The following SEZ6L2 variants were observed in gnomAD, a reference collection of about 807,000 sequenced individuals.
SEZ6L2 encodes seizure related 6 homolog like 2, also known as seizure 6-like protein 2.
In SEZ6L2, 44 loss-of-function variants were observed where a neutral mutation model predicts 97.0. The ratio of observed to expected loss-of-function variants is 0.45; its 90% CI spans 0.36 to 0.58. SEZ6L2 has a LOEUF of 0.58. Ranked by LOEUF, SEZ6L2 falls within the 20% of genes least tolerant of loss-of-function variation. The pLI, the probability that SEZ6L2 is intolerant of heterozygous loss-of-function variation, is 0.00. For missense variants in SEZ6L2, 1,086 were observed against 1,233.3 expected, an observed-to-expected ratio of 0.88 and a Z score of 1.79; for synonymous variants, 543 against 546.1, an observed-to-expected ratio of 0.99 and a Z score of 0.08.
chr16:29,895,810 C>T lies in SEZ6L2; in HGVS notation c.562G>A (p.Asp188Asn). Residue 188 changes from aspartate to asparagine, a missense_variant, in exon 4 of 18, where the codon GAT becomes AAT. Physicochemically the swap from Asp to Asn is conservative, Grantham distance 23 (BLOSUM62 1). This residue lies in a region of SEZ6L2 where 776 missense variants were observed against 794.7 expected (regional missense o/e 0.98). Coordinates refer to ENST00000617533, the MANE Select transcript of SEZ6L2 (RefSeq NM_001243332.2). ...SEGEGYVESP[D>N]LGSPVSRTLG... ...GTGCGGCTGACGGGGCTCCCCAGAT[C>T]TGGAGACTCCACATACCCTTCGCCC... 1 of 1,614,102 alleles carries T rather than the reference C, an allele frequency of 6.2e-7. No individual in the cohort carries two copies. The highest frequency in any genetic ancestry group is 8.5e-7 in the Non-Finnish European group (1 of 1,179,960).
At chr16:29,897,542 A>C (rs2068431755) in intron 2 of SEZ6L2, among the ~76,000 whole-genome samples, 1 of 151,280 alleles carries the variant, frequency 6.6e-6, no homozygotes, top group South Asian at 2.1e-4. Context: ...TTTGTGTTTC[A>C]TTCTCTCTGT....
intron 8 of SEZ6L2, among the ~76,000 whole-genome samples, chr16:29,882,305 A>G (rs900008216): frequency 6.6e-6 from 1 of 151,854 alleles, no homozygotes; most frequent in African/African-American, 2.4e-5. Flanking sequence ...GGCCAGATGC[A>G]GTGGCTCACA....
At position 29,873,432 on chromosome 16, in the gene SEZ6L2, C is replaced by T. The variant is rs1411078494; in HGVS notation, c.2297-1G>A. On this transcript the variant is annotated splice_acceptor_variant, in intron 13 of 17. Transcript: ENST00000617533. LOFTEE classifies it high-confidence loss of function. This position sits in a 1 kb window ranked among gnomAD's most constrained non-coding sequence, Gnocchi z 4.3. ...GGGTTCAGGCACGGCTCGTACTTCA[C>T]TGCGGGGAGCATGCCAGTCACGTGC... 1 of 1,614,216 alleles carries T rather than the reference C, an allele frequency of 6.2e-7. No homozygotes were observed. Among genetic ancestry groups the T allele is most frequent in the Non-Finnish European group, 8.5e-7 (1 of 1,180,026 alleles).
chr16:29,872,319 G>T, intron 16 of SEZ6L2, 36 bp from the exon 17 acceptor site: 2 of 1,602,618 alleles, frequency 1.2e-6, no homozygotes, highest in African/African-American at 1.3e-5. Flanking sequence ...CTTATCAACA[G>T]GTAAGCCCCT....
chr16:29,872,186 C>T lies in SEZ6L2; in HGVS notation c.2742+1G>A, dbSNP rs770774282. The T allele has an allele frequency of 6.3e-7, 1 of 1,599,068 alleles. No homozygotes were observed. Among genetic ancestry groups the T allele is most frequent in the South Asian group, 1.1e-5 (1 of 88,464 alleles). ...TCTTCAGGGGCAGGCAAGGTGCTTA[C>T]CCCAGCTTCATACAGCGGGTTGCTG... On this transcript the variant is annotated splice_donor_variant, in intron 17 of 17. Transcript: ENST00000617533. LOFTEE classifies it high-confidence loss of function.
chr16:29,884,115 G>A (rs183553906), intron 8 of SEZ6L2, among the ~76,000 whole-genome samples: 1 of 152,142 alleles, frequency 6.6e-6, no homozygotes. Flanking sequence ...AGGTTAAGTT[G>A]GAGCCCACCA....
Position 29,897,134 on chromosome 16 carries a change from A to G in SEZ6L2, c.212-13T>C, listed in dbSNP as rs1408266790. On this transcript the variant is annotated splice_polypyrimidine_tract_variant and intron_variant, in intron 2 of 17. Coordinates refer to ENST00000617533, the MANE Select transcript of SEZ6L2 (RefSeq NM_001243332.2). ...TCCCGATCAGATCCTGGGACAGTGC[A>G]GGGAATATCAGAGCACAGGAGGAGC... 4 of 1,531,854 alleles carry G rather than the reference A, an allele frequency of 2.6e-6. No individual in the cohort carries two copies. Among genetic ancestry groups the G allele is most frequent in the Non-Finnish European group, 3.5e-6 (4 of 1,141,276 alleles). The allele number at this position is 1,531,854 out of a possible 1,614,324, so 94.9% of individuals were successfully genotyped here. A position where few individuals can be genotyped will look rare whatever the true frequency, so the allele number is the denominator to read the frequency against.
rs1218719476 is a variant in SEZ6L2 at position 29,873,335 on chromosome 16, A to G, written c.2393T>C (p.Phe798Ser). 34 of 1,614,226 alleles carry G rather than the reference A, an allele frequency of 2.1e-5. No individual in the cohort carries two copies. The highest frequency in any genetic ancestry group is 2.9e-5 in the Non-Finnish European group (34 of 1,180,030). The change falls in exon 14 of 18, where the codon TTC becomes TCC. Residue 798 changes from phenylalanine to serine, a missense_variant. Transcript: ENST00000617533. The surrounding 1 kb of genome is among the most constrained non-coding windows in gnomAD (Gnocchi z 4.3). ...GATAAGCTCAAAGCCCTCATAGCAG[A>G]AGAAGCGCAGAGACTCGCCCGCCTG... is the stretch of plus-strand genomic sequence containing the variant. ...HYQAGESLRF[F>S]CYEGFELIGE...
intron 5 of SEZ6L2, among the ~76,000 whole-genome samples, chr16:29,893,660 A>T (rs2068320955): frequency 6.6e-6 from 1 of 152,022 alleles, no homozygotes; most frequent in Non-Finnish European, 1.5e-5. Context: ...AAAAAAAAAA[A>T]AAAAAATTCA....
At chr16:29,881,201 G>A (rs1181199368) in intron 8 of SEZ6L2, among the ~76,000 whole-genome samples, 1 of 152,106 alleles carries the variant, frequency 6.6e-6, no homozygotes, top group Non-Finnish European at 1.5e-5. Context: ...AAGCCACTGA[G>A]CTAGCCAAAT....
At chr16:29,880,270 C>T (rs544519993) in intron 8 of SEZ6L2, among the ~76,000 whole-genome samples, 12 of 151,838 alleles carry the variant, frequency 7.9e-5, no homozygotes, top group Admixed American at 3.9e-4. Flanking sequence ...TCAAGCAATT[C>T]TCATGCCTCA....
chr16:29,898,996 G>A lies in SEZ6L2; in HGVS notation c.24C>T (p.His8=), dbSNP rs1596998478. Residue 8 remains histidine, a synonymous_variant, in exon 1 of 18, where the codon CAC becomes CAT. Transcript: ENST00000617533. Reference sequence around the variant, plus strand: ...GGAACAGCAGCTGGGGAGGCGGCGGGTGCTGGGCCCTGGGAGTCCCCATGG... The same window carrying A: ...GGAACAGCAGCTGGGGAGGCGGCGGATGCTGGGCCCTGGGAGTCCCCATGG... The part of the protein sequence containing the change: MGTPRAQ[H]PPPPQLLFLI... The A allele has an allele frequency of 6.2e-7, 1 of 1,611,536 alleles. No homozygotes were observed. Among genetic ancestry groups the A allele is most frequent in the South Asian group, 1.1e-5 (1 of 90,950 alleles).
chr16:29,887,042 ATGG>A (rs2068155747), intron 7 of SEZ6L2, among the ~76,000 whole-genome samples: 1 of 151,764 alleles, frequency 6.6e-6, no homozygotes. Context: ...TTAGCTGGGC[ATGG>A]TGGTGCATGC....
chr16:29,873,182 C>T lies in SEZ6L2; in HGVS notation c.2488+58G>A. On this transcript the variant is annotated intron_variant, in intron 14 of 17. Transcript: ENST00000617533. This position sits in a 1 kb window ranked among gnomAD's most constrained non-coding sequence, Gnocchi z 4.3. ...GTCTCAAATGTGCTACCTGACTCTC[C>T]CAGCCCTGTCACTTCCCGGACACTG... is the stretch of plus-strand genomic sequence containing the variant. 2 of 1,590,678 alleles carry T rather than the reference C, an allele frequency of 1.3e-6. No individual in the cohort carries two copies. Among genetic ancestry groups the T allele is most frequent in the South Asian group, 2.2e-5 (2 of 89,534 alleles).
At chr16:29,887,953 G>C (rs1051383233) in intron 6 of SEZ6L2, 136 bp from the exon 7 acceptor site, 1 of 921,848 alleles carries the variant, frequency 1.1e-6, no homozygotes, top group African/African-American at 1.7e-5. Flanking sequence ...TCTGTCCCAT[G>C]GAGTCACTCC....
In SEZ6L2 at chr16:29,889,614, C is replaced by CTTTTT. The variant is rs869108927; in HGVS notation, c.854-894_854-890dup. Among the ~76,000 whole-genome samples, 159 of 70,574 alleles carry CTTTTT rather than the reference C, an allele frequency of 2.3e-3. 18 individuals carry two copies. Among genetic ancestry groups the CTTTTT allele is most frequent in the Non-Finnish European group, 3.6e-3 (119 of 32,816 alleles). 46.3% of individuals were successfully genotyped at this position (70,574 alleles called of 152,430 possible). On this transcript the variant is annotated intron_variant, in intron 5 of 17. Transcript: ENST00000617533. ...CATCCAGAAGAACCACTTGAAACTT[C>CTTTTT]TTTTTTTTTTTTTTTTTTTTTTTTT...
chr16:29,897,722 C>T, intron 2 of SEZ6L2, 131 bp downstream of exon 2: 1 of 1,118,418 alleles, frequency 8.9e-7, no homozygotes, highest in Non-Finnish European at 1.2e-6. Context: ...TTCCCTGAAT[C>T]TCACAGGAAT....
intron 2 of SEZ6L2, 106 bp from the exon 3 acceptor site, chr16:29,897,227 G>T: frequency 9.8e-7 from 1 of 1,023,344 alleles, no homozygotes; most frequent in Non-Finnish European, 1.4e-6. Flanking sequence ...TACCACAAAA[G>T]CCTCCCGCAC....
At chr16:29,880,150 T>G in intron 8 of SEZ6L2, 86 bp from the exon 9 acceptor site, 1 of 1,316,492 alleles carries the variant, frequency 7.6e-7, no homozygotes, top group Non-Finnish European at 1.0e-6. Context: ...ATTGGGGTGT[T>G]CTTTGGCCAC....
Sources: gnomAD v4.1 joint callset for allele counts (sites outside exome capture counted in the v4.1 genomes callset) on GRCh38, gnomAD v4.1.1 for gene constraint, gnomAD v4.1.1 regional missense constraint, Gnocchi (gnomAD v3.1) non-coding constraint, MANE v1.5 for transcripts, NCBI Gene and HGNC (gene_info 2026-07-23, HGNC 2026-07-21) for gene names.